Variants in DEUP1 observed in about 807,000 individuals in gnomAD.
DEUP1 encodes deuterosome assembly protein 1.
A neutral mutation model predicts 87.4 loss-of-function variants in DEUP1; 82 were observed. That is an observed-to-expected ratio of 0.94 (90% CI 0.78 to 1.13). DEUP1 has a LOEUF of 1.13. Ranked by LOEUF, DEUP1 falls within the 50% of genes most tolerant of loss-of-function variation. DEUP1 has a pLI of 0.00. For missense variants in DEUP1, 663 were observed against 681.5 expected (o/e 0.97, Z 0.30); for synonymous variants, 214 against 222.7 (o/e 0.96, Z 0.35).
At position 93,371,291 on chromosome 11, in the gene DEUP1, A is replaced by T. The variant is rs1565314460; in HGVS notation, c.789+11A>T. The T allele has an allele frequency of 1.9e-6, 3 of 1,605,306 alleles. No homozygotes were observed. Among genetic ancestry groups the T allele is most frequent in the Non-Finnish European group, 2.6e-6 (3 of 1,176,346 alleles). The stretch of plus-strand genomic sequence containing the variant: ...CAAAGACAGTGCCAGGTGAAGATTA[A>T]TTTTTTTTCAACTAATATTGTCCAT... On this transcript the variant is annotated intron_variant, in intron 7 of 13. Transcript: ENST00000298050.
intron 7 of DEUP1, 125 bp from the exon 8 acceptor site, chr11:93,385,273 A>C (rs1946486294): frequency 5.8e-6 from 5 of 863,624 alleles, no homozygotes; most frequent in Non-Finnish European, 9.0e-6. Flanking sequence ...GAGACAGAAC[A>C]AGCAAAGGAC....
At position 93,389,031 on chromosome 11, in the gene DEUP1, CTTAT is replaced by C. The variant is rs1946681727; in HGVS notation, c.950_953del (p.Tyr317CysfsTer11). The C allele has an allele frequency of 6.5e-7, 1 of 1,543,882 alleles. No homozygotes were observed. The highest frequency in any genetic ancestry group is 8.9e-7 in the Non-Finnish European group (1 of 1,126,318). On this transcript the variant is annotated frameshift_variant, in exon 9 of 14. Coordinates refer to ENST00000298050, the MANE Select transcript of DEUP1 (RefSeq NM_181645.4). LOFTEE classifies it high-confidence loss of function. ...TGTTTAATTTGTAGACTTGAATCAT[CTTAT>C]TTGCCTTCTATTAAAGAACCAGAAA...
chr11:93,356,504 A>G lies in DEUP1; in HGVS notation c.202-444A>G, dbSNP rs566633598. 1.3e-3 allele frequency among the ~76,000 whole-genome samples: 196 copies of G among 152,286 alleles called. 1 individual carries two copies. Among genetic ancestry groups the G allele is most frequent in the African/African-American group, 4.5e-3 (188 of 41,556 alleles). On this transcript the variant is annotated intron_variant, in intron 3 of 13. Coordinates refer to ENST00000298050, the MANE Select transcript of DEUP1 (RefSeq NM_181645.4). ...AAATCCTTAGGAACTGCTCTTAGACAATTTTCTTTTTCTTTTTAATGTATT... is the reference window on the plus strand; with the variant it reads ...AAATCCTTAGGAACTGCTCTTAGACGATTTTCTTTTTCTTTTTAATGTATT...
At chr11:93,331,823 G>T (rs537143386) in intron 1 of DEUP1, among the ~76,000 whole-genome samples, 1 of 152,238 alleles carries the variant, frequency 6.6e-6, no homozygotes, top group South Asian at 2.1e-4. Flanking sequence ...GAGGTGGGTG[G>T]ATCACGAGGT....
chr11:93,349,525 A>G (rs1944524985), intron 2 of DEUP1, among the ~76,000 whole-genome samples: 2 of 152,206 alleles, frequency 1.3e-5, no homozygotes, highest in South Asian at 4.1e-4. Context: ...TGAGCTGATT[A>G]GACCATACCT....
intron 5 of DEUP1, among the ~76,000 whole-genome samples, chr11:93,369,414 T>C (rs2098332975): frequency 6.6e-6 from 1 of 151,866 alleles, no homozygotes; most frequent in Non-Finnish European, 1.5e-5. Context: ...GAAAAAATAT[T>C]TCGTGTCAAG....
chr11:93,430,970 C>G (rs1948084763), intron 13 of DEUP1, among the ~76,000 whole-genome samples: 1 of 151,836 alleles, frequency 6.6e-6, no homozygotes, highest in African/African-American at 2.4e-5. Flanking sequence ...GTGGCACATG[C>G]CTGTAGTCCC....
intron 2 of DEUP1, among the ~76,000 whole-genome samples, chr11:93,347,603 G>T (rs542855465): frequency 6.6e-6 from 1 of 151,972 alleles, no homozygotes; most frequent in Non-Finnish European, 1.5e-5. Flanking sequence ...CCAGCTCTTT[G>T]TATGTCTGGT....
At chr11:93,416,285 C>T (rs1418503491) in intron 13 of DEUP1, among the ~76,000 whole-genome samples, 1 of 151,658 alleles carries the variant, frequency 6.6e-6, no homozygotes, top group Non-Finnish European at 1.5e-5. Context: ...AGACTGCTAA[C>T]AAGACTAATA....
intron 1 of DEUP1, among the ~76,000 whole-genome samples, chr11:93,331,915 T>C (rs1565284845): frequency 6.6e-6 from 1 of 152,044 alleles, no homozygotes. Flanking sequence ...ATGGTGGCGA[T>C]TGCCTGTCCC....
intron 11 of DEUP1, among the ~76,000 whole-genome samples, chr11:93,402,961 A>G (rs968434483): frequency 9.9e-5 from 15 of 151,970 alleles, no homozygotes; most frequent in South Asian, 4.1e-4. Context: ...TAGGTAACAT[A>G]TATGTATGAT....
chr11:93,398,601 G>T (rs1947012765), intron 11 of DEUP1, among the ~76,000 whole-genome samples: 1 of 151,874 alleles, frequency 6.6e-6, no homozygotes, highest in African/African-American at 2.4e-5. Flanking sequence ...TCTTTAATTT[G>T]CATTTCCCTG....
At chr11:93,432,077 C>A (rs1427621751) in intron 13 of DEUP1, among the ~76,000 whole-genome samples, 1 of 152,066 alleles carries the variant, frequency 6.6e-6, no homozygotes, top group Non-Finnish European at 1.5e-5. Context: ...GTATTTAAGT[C>A]TATAGAACTG....
Position 93,371,024 on chromosome 11 carries a change from T to A in DEUP1, c.547-14T>A, listed in dbSNP as rs773064026. On this transcript the variant is annotated splice_polypyrimidine_tract_variant and intron_variant, in intron 6 of 13. Coordinates refer to ENST00000298050, the MANE Select transcript of DEUP1 (RefSeq NM_181645.4). ...CATTCTTCATTTGAGTTACACAGTT[T>A]TTATATTTTTCAGAAACAGGCACAA... 9 of 1,602,506 alleles carry A rather than the reference T, an allele frequency of 5.6e-6. No homozygotes were observed. Among genetic ancestry groups the A allele is most frequent in the South Asian group, 4.5e-5 (4 of 89,058 alleles).
chr11:93,355,224 T>G (rs898055700), intron 2 of DEUP1, 147 bp from the exon 3 acceptor site: 3 of 715,342 alleles, frequency 4.2e-6, no homozygotes, highest in Non-Finnish European at 6.7e-6. Flanking sequence ...TTTTAAAAAT[T>G]AACCTTCAGC....
chr11:93,358,110 G>C (rs921677210), intron 4 of DEUP1, among the ~76,000 whole-genome samples: 2 of 152,152 alleles, frequency 1.3e-5, no homozygotes, highest in Admixed American at 6.5e-5. Flanking sequence ...ACAATCTGTA[G>C]TAGGTTTGAA....
intron 7 of DEUP1, among the ~76,000 whole-genome samples, chr11:93,380,379 T>G (rs1434059694): frequency 6.6e-6 from 1 of 151,292 alleles, no homozygotes; most frequent in East Asian, 1.9e-4. Context: ...TCCTGCTCTG[T>G]TTTTTTGGGT....
chr11:93,413,274 C>G (rs1947498075), intron 12 of DEUP1, among the ~76,000 whole-genome samples: 1 of 142,154 alleles, frequency 7.0e-6, no homozygotes, highest in South Asian at 2.2e-4. Flanking sequence ...CGGAGTCTCT[C>G]TCTGTCGCCC....
At chr11:93,402,744 A>G (rs1350890249) in intron 11 of DEUP1, among the ~76,000 whole-genome samples, 1 of 152,042 alleles carries the variant, frequency 6.6e-6, no homozygotes, top group Non-Finnish European at 1.5e-5. Flanking sequence ...AGAGGTCATT[A>G]TGTTAAGTGA....
Sources: gnomAD v4.1 joint callset for allele counts (sites outside exome capture counted in the v4.1 genomes callset) on GRCh38, gnomAD v4.1.1 for gene constraint, MANE v1.5 for transcripts, NCBI Gene and HGNC (gene_info 2026-07-23, HGNC 2026-07-21) for gene names.